The following CYFIP1 variants were observed in gnomAD, a reference collection of about 807,000 sequenced individuals.
CYFIP1 encodes cytoplasmic FMR1 interacting protein 1, also known as cytoplasmic FMR1-interacting protein 1.
A neutral mutation model predicts 163.5 loss-of-function variants in CYFIP1; 58 were observed. The observed-to-expected ratio is 0.35, with a 90% confidence interval of 0.29 to 0.44. The LOEUF (loss-of-function observed/expected upper bound fraction) is 0.44, where lower values mean the gene tolerates loss of function less well. Ranked by LOEUF, CYFIP1 falls within the 20% of genes least tolerant of loss-of-function variation. The probability of loss-of-function intolerance (pLI) is 1.00; values close to 1 mark genes in which losing one functional copy is unlikely to be tolerated. For synonymous variants in CYFIP1, 663 were observed against 660.7 expected (o/e 1.00, Z -0.05); for missense variants, 1,338 against 1,653.8 (o/e 0.81, Z 3.31).
intron 4 of CYFIP1, 33 bp downstream of exon 4, chr15:22,944,828 TG>T (rs764812922): frequency 7.0e-5 from 112 of 1,605,710 alleles, no homozygotes; most frequent in Non-Finnish European, 8.4e-5. Flanking sequence ...TGGCAGGGTG[TG>T]GCTGGAGGGG....
intron 13 of CYFIP1, 115 bp from the exon 14 acceptor site, chr15:22,918,973 C>T (rs2061090127): frequency 3.8e-6 from 3 of 783,692 alleles, no homozygotes; most frequent in Admixed American, 5.3e-5. Flanking sequence ...CGCCCTCCCG[C>T]GTTCGTGCCC....
chr15:22,932,364 G>A (rs749160774), intron 10 of CYFIP1, 24 bp from the exon 11 acceptor site: 12 of 1,533,460 alleles, frequency 7.8e-6, no homozygotes, highest in Admixed American at 4.1e-5. Context: ...AAGCACCCGC[G>A]TTACCTGCGG....
intron 1 of CYFIP1, among the ~76,000 whole-genome samples, chr15:22,957,853 C>T (rs954979278): frequency 9.9e-5 from 15 of 152,146 alleles, no homozygotes; most frequent in Admixed American, 8.5e-4. Flanking sequence ...TAAAATAAAT[C>T]ATCTGAAGAA....
At chr15:22,893,191 C>T (rs1189551930) in intron 22 of CYFIP1, among the ~76,000 whole-genome samples, 1 of 152,180 alleles carries the variant, frequency 6.6e-6, no homozygotes, top group Non-Finnish European at 1.5e-5. Flanking sequence ...GGGGCCACAG[C>T]AGGAACACCC....
At chr15:22,915,946 G>A (rs2060962713) in intron 16 of CYFIP1, among the ~76,000 whole-genome samples, 1 of 152,072 alleles carries the variant, frequency 6.6e-6, no homozygotes, top group Non-Finnish European at 1.5e-5. Context: ...CCAATACCTC[G>A]CAGCACCCCA....
intron 23 of CYFIP1, among the ~76,000 whole-genome samples, chr15:22,890,945 A>AG (rs2060064503): frequency 6.6e-6 from 1 of 152,212 alleles, no homozygotes; most frequent in Non-Finnish European, 1.5e-5. Flanking sequence ...CTCATGTGTC[A>AG]GCGAGGCTCC....
At chr15:22,870,228 C>T in intron 30 of CYFIP1, 36 bp from the exon 31 acceptor site, 1 of 1,565,598 alleles carries the variant, frequency 6.4e-7, no homozygotes, top group South Asian at 1.2e-5. Flanking sequence ...TTACTATTAA[C>T]ACTTCAACAT....
At chr15:22,972,420 G>C (rs1258429223) in intron 1 of CYFIP1, among the ~76,000 whole-genome samples, 1 of 152,210 alleles carries the variant, frequency 6.6e-6, no homozygotes, top group Non-Finnish European at 1.5e-5. Context: ...CTGGGTGACA[G>C]AGTGAGACTC....
chr15:22,912,364 A>C, intron 17 of CYFIP1, 89 bp from the exon 18 acceptor site: 1 of 963,690 alleles, frequency 1.0e-6, no homozygotes, highest in Non-Finnish European at 1.6e-6. Flanking sequence ...ACTCAACTCC[A>C]TTTTCCACCT....
In CYFIP1 at chr15:22,947,232, C is replaced by A. The variant is rs1478773738; in HGVS notation, c.54G>T (p.Glu18Asp). 1 of 1,613,994 alleles carries A rather than the reference C, an allele frequency of 6.2e-7. No individual in the cohort carries two copies. Among genetic ancestry groups the A allele is most frequent in the African/African-American group, 1.3e-5 (1 of 75,042 alleles). ...GCTGCTGGTCGGGCAGGGGCAGCTC[C>A]TCCAGGAGGTCCACGTTGGACAGCG... The part of the protein sequence containing the change: ...EDALSNVDLL[E>D]ELPLPDQQPC... The change falls in exon 2 of 31, where the codon GAG becomes GAT. Residue 18 changes from glutamate (E) to aspartate (D), a missense_variant. This residue lies in a region of CYFIP1 where 186 missense variants were observed against 288.3 expected (regional missense o/e 0.65). Transcript: ENST00000617928.
rs1028188958 is a variant in CYFIP1 at position 22,870,273 on chromosome 15, T to C, written c.3598-81A>G. ...ATGTTTCAAAATGTCAGGATTCTTA[T>C]ATTTTCTCAGAAAAATAATAGCAAA... On this transcript the variant is annotated intron_variant, in intron 30 of 30. Coordinates refer to ENST00000617928, the MANE Select transcript of CYFIP1 (RefSeq NM_014608.6). 89 of 1,473,470 alleles carry C rather than the reference T, an allele frequency of 6.0e-5. No individual in the cohort carries two copies. The Admixed American group carries it at 1.0e-3, about 17-fold the overall frequency. The allele number at this position is 1,473,470 out of a possible 1,614,324, so 91.3% of individuals were successfully genotyped here.
chr15:22,976,875 C>G (rs2063300015), intron 1 of CYFIP1, among the ~76,000 whole-genome samples: 1 of 152,134 alleles, frequency 6.6e-6, no homozygotes. Context: ...ATGTATCTCC[C>G]CATGGATAAG....
At chr15:22,957,110 C>A (rs1409219565) in intron 1 of CYFIP1, among the ~76,000 whole-genome samples, 2 of 152,248 alleles carry the variant, frequency 1.3e-5, no homozygotes, top group South Asian at 4.1e-4. Flanking sequence ...GGCACGCCGA[C>A]GCTAACTCCC....
chr15:22,947,954 T>C (rs1415197006), intron 1 of CYFIP1: 6 of 985,480 alleles, frequency 6.1e-6, no homozygotes, highest in Non-Finnish European at 7.2e-6. Flanking sequence ...TGCCTTCTGC[T>C]GAATCTGCTC....
intron 1 of CYFIP1, among the ~76,000 whole-genome samples, chr15:22,963,511 T>TAACATAACATAACATAACATAACATAACA (rs1555423910): frequency 2.2e-3 from 305 of 137,380 alleles, no homozygotes; most frequent in African/African-American, 8.0e-3. Flanking sequence ...TAACATAACA[T>TAACATAACATAACATAACATAACATAACA]AACATAACAT....
chr15:22,914,033 T>C (rs1738519897), intron 17 of CYFIP1, among the ~76,000 whole-genome samples: 1 of 152,158 alleles, frequency 6.6e-6, no homozygotes, highest in South Asian at 2.1e-4. Context: ...CCAAACACTT[T>C]CCCTTCCATG....
At chr15:22,871,391 G>T (rs1258919753) in intron 30 of CYFIP1, among the ~76,000 whole-genome samples, 1 of 152,226 alleles carries the variant, frequency 6.6e-6, no homozygotes, top group Admixed American at 6.5e-5. Flanking sequence ...ACTTTAAAAA[G>T]TGAACTAATA....
intron 11 of CYFIP1, 89 bp from the exon 12 acceptor site, chr15:22,928,117 A>G (rs1195783681): frequency 7.3e-7 from 1 of 1,371,802 alleles, no homozygotes; most frequent in Admixed American, 3.5e-5. Context: ...TCCACCCCAA[A>G]GTCACACGTG....
intron 12 of CYFIP1, 96 bp downstream of exon 12, chr15:22,927,810 A>G: frequency 7.8e-7 from 1 of 1,284,092 alleles, no homozygotes; most frequent in South Asian, 1.5e-5. Context: ...TCGTCTTTCT[A>G]GGGCCAAAGA....
Sources: gnomAD v4.1 joint callset for allele counts (sites outside exome capture counted in the v4.1 genomes callset) on GRCh38, gnomAD v4.1.1 for gene constraint, gnomAD v4.1.1 regional missense constraint, MANE v1.5 for transcripts, NCBI Gene and HGNC (gene_info 2026-07-23, HGNC 2026-07-21) for gene names.